The following ZNF326 variants were observed in gnomAD, a reference collection of about 807,000 sequenced individuals.
The protein encoded by ZNF326 is DBIRD complex subunit ZNF326.
In ZNF326, 30 loss-of-function variants were observed where a neutral mutation model predicts 63.1. That is an observed-to-expected ratio of 0.48 (90% confidence interval 0.36 to 0.64). The LOEUF is 0.64. Ranked by LOEUF, ZNF326 falls within the 30% of genes least tolerant of loss-of-function variation. The pLI is 0.00. For missense variants in ZNF326, 609 were observed against 720.3 expected, an observed-to-expected ratio of 0.85 and a Z score of 1.77; for synonymous variants, 194 against 228.2, an observed-to-expected ratio of 0.85 and a Z score of 1.35.
chr1:90,032,159 CCTT>C lies in ZNF326; in HGVS notation c.*4465_*4467del, dbSNP rs1276554329. 1.3e-5 allele frequency: 2 copies of C among 152,192 alleles called. No homozygotes were observed. The highest frequency in any genetic ancestry group is 6.5e-5 in the Admixed American group (1 of 15,280). 9.4% of individuals were successfully genotyped at this position (152,192 alleles called of 1,614,324 possible). A position where few individuals can be genotyped will look rare whatever the true frequency, so the allele number is the denominator to read the frequency against. On this transcript the variant is annotated 3_prime_UTR_variant, in exon 12 of 12. Transcript: ENST00000340281. Reference sequence around the variant, plus strand: ...CTAGTCTAATCTCTTCTTGACTTTCCCTTCTTCTTTCCCAGTCCTCTAATTCCC... The same window carrying C: ...CTAGTCTAATCTCTTCTTGACTTTCCCTTCTTTCCCAGTCCTCTAATTCCC...
chr1:90,001,639 C>T (rs760421999), intron 2 of ZNF326, among the ~76,000 whole-genome samples: 4 of 151,618 alleles, frequency 2.6e-5, no homozygotes, highest in African/African-American at 4.8e-5. Flanking sequence ...CTGCAACTTC[C>T]GCCTCCTGGG....
At chr1:89,997,032 AAC>A (rs1648411379) in intron 1 of ZNF326, among the ~76,000 whole-genome samples, 1 of 152,236 alleles carries the variant, frequency 6.6e-6, no homozygotes, top group Non-Finnish European at 1.5e-5. Flanking sequence ...CAGAATTCTA[AAC>A]AGTGTCAGTG....
chr1:90,006,018 T>C (rs1648967986), intron 4 of ZNF326: 1 of 985,458 alleles, frequency 1.0e-6, no homozygotes. Context: ...TCCTGCTGAA[T>C]ATAAGTAAAA....
intron 11 of ZNF326, among the ~76,000 whole-genome samples, chr1:90,027,065 A>ATGTGTGTGTG (rs59960066): frequency 6.7e-6 from 1 of 149,206 alleles, no homozygotes; most frequent in African/African-American, 2.5e-5. Flanking sequence ...ATGTGTATAT[A>ATGTGTGTGTG]TGTGTGTGTG....
chr1:90,034,552 A>C lies in ZNF326; in HGVS notation c.*6851A>C, dbSNP rs1201862016. The C allele has an allele frequency of 6.6e-6, 1 of 152,192 alleles. No individual in the cohort carries two copies. The highest frequency in any genetic ancestry group is 1.5e-5 in the Non-Finnish European group (1 of 67,992). The allele number at this position is 152,192 out of a possible 1,614,324, so 9.4% of individuals were successfully genotyped here. ...CCACAATATTTTTTTGTTTGTTGATAGGTAGGAATTCAGGGTCCATCCTGT... is the reference window on the plus strand; with the variant it reads ...CCACAATATTTTTTTGTTTGTTGATCGGTAGGAATTCAGGGTCCATCCTGT... On this transcript the variant is annotated 3_prime_UTR_variant, in exon 12 of 12. Transcript: ENST00000340281.
At chr1:90,022,412 G>C (rs1018373236) in intron 11 of ZNF326, 67 bp downstream of exon 11, 2 of 1,136,370 alleles carry the variant, frequency 1.8e-6, no homozygotes, top group Non-Finnish European at 2.6e-6. Flanking sequence ...TGGTGACATA[G>C]TAACCTTTTG....
At chr1:90,009,691 A>G (rs914585461) in intron 5 of ZNF326, among the ~76,000 whole-genome samples, 1 of 152,160 alleles carries the variant, frequency 6.6e-6, no homozygotes, top group Non-Finnish European at 1.5e-5. Flanking sequence ...TAGTTTTAGT[A>G]AAATAAAGAT....
intron 11 of ZNF326, among the ~76,000 whole-genome samples, chr1:90,022,781 CAGACTAG>C (rs1380734342): frequency 6.6e-6 from 1 of 152,202 alleles, no homozygotes; most frequent in Non-Finnish European, 1.5e-5. Context: ...TGGCATAGAA[CAGACTAG>C]GATGTACCTT....
At chr1:89,999,937 A>T (rs1190403374) in intron 2 of ZNF326, among the ~76,000 whole-genome samples, 1 of 152,238 alleles carries the variant, frequency 6.6e-6, no homozygotes, top group Non-Finnish European at 1.5e-5. Flanking sequence ...AATAGTAAAC[A>T]AGATAAGAAA....
rs143700412 is a variant in ZNF326 at position 90,013,162 on chromosome 1, G to A, written c.851G>A (p.Arg284Gln). 2 of 1,612,690 alleles carry A rather than the reference G, an allele frequency of 1.2e-6. No homozygotes were observed. Among genetic ancestry groups the A allele is most frequent in the Admixed American group, 1.7e-5 (1 of 59,780 alleles). Residue 284 changes from arginine to glutamine, a missense_variant, in exon 7 of 12, where the codon CGG becomes CAG. This residue lies in a region of ZNF326 where 399 missense variants were observed against 444.3 expected (regional missense o/e 0.90). Coordinates refer to ENST00000340281, the MANE Select transcript of ZNF326 (RefSeq NM_182976.4). ...TDPKNEEEEKRRIEARREKQR... is the reference protein window; with the variant it reads ...TDPKNEEEEKQRIEARREKQR... ...CCTAAAAATGAAGAGGAAGAAAAGC[G>A]GCGAATTGAGGCTCGGCGAGAGAAA...
At chr1:90,017,485 T>G in intron 8 of ZNF326, 21 bp downstream of exon 8, 1 of 1,558,130 alleles carries the variant, frequency 6.4e-7, no homozygotes, top group Non-Finnish European at 8.6e-7. Context: ...GTTTTTGAAG[T>G]GAGAAGCATT....
Position 90,029,575 on chromosome 1 carries a change from G to C in ZNF326, c.*1874G>C, listed in dbSNP as rs1650172764. 1 of 151,964 alleles carries C rather than the reference G, an allele frequency of 6.6e-6. No homozygotes were observed. Among genetic ancestry groups the C allele is most frequent in the Non-Finnish European group, 1.5e-5 (1 of 67,984 alleles). The allele number at this position is 151,964 out of a possible 1,614,324, so 9.4% of individuals were successfully genotyped here. On this transcript the variant is annotated 3_prime_UTR_variant, in exon 12 of 12. Transcript: ENST00000340281. The stretch of plus-strand genomic sequence containing the variant: ...GGTAAAAGAATAATAAATTCCTCTA[G>C]GTTATTAGTATTTGGTTCTTCTGAT...
chr1:90,034,416 G>C lies in ZNF326; in HGVS notation c.*6715G>C, dbSNP rs1650406596. On this transcript the variant is annotated 3_prime_UTR_variant, in exon 12 of 12. Transcript: ENST00000340281. The stretch of plus-strand genomic sequence containing the variant: ...TGAACACAGCGCTTAGAAATTGTCA[G>C]ATAAAGAGTTCAAAATAGAGGAAAC... 1 of 152,132 alleles carries C rather than the reference G, an allele frequency of 6.6e-6. No individual in the cohort carries two copies. The highest frequency in any genetic ancestry group is 1.5e-5 in the Non-Finnish European group (1 of 67,992). The allele number at this position is 152,132 out of a possible 1,614,324, so 9.4% of individuals were successfully genotyped here. A position where few individuals can be genotyped will look rare whatever the true frequency, so the allele number is the denominator to read the frequency against.
rs774263467 is a variant in ZNF326 at position 90,033,412 on chromosome 1, C to T, written c.*5711C>T. The T allele has an allele frequency of 2.6e-5, 4 of 151,994 alleles. No individual in the cohort carries two copies. The highest frequency in any genetic ancestry group is 4.4e-5 in the Non-Finnish European group (3 of 67,984). The allele number at this position is 151,994 out of a possible 1,614,324, so 9.4% of individuals were successfully genotyped here. ...AAACAATTCAGGGGGAAAAAATGACCAAGTATAATTAGTATTATATGGAAT... is the reference window on the plus strand; with the variant it reads ...AAACAATTCAGGGGGAAAAAATGACTAAGTATAATTAGTATTATATGGAAT... On this transcript the variant is annotated 3_prime_UTR_variant, in exon 12 of 12. Coordinates refer to ENST00000340281, the MANE Select transcript of ZNF326 (RefSeq NM_182976.4).
Position 90,028,210 on chromosome 1 carries a change from A to G in ZNF326, c.*509A>G, listed in dbSNP as rs1330386966. 1 of 153,556 alleles carries G rather than the reference A, an allele frequency of 6.5e-6. No individual in the cohort carries two copies. Among genetic ancestry groups the G allele is most frequent in the East Asian group, 1.9e-4 (1 of 5,214 alleles). The allele number at this position is 153,556 out of a possible 1,614,324, so 9.5% of individuals were successfully genotyped here. A position where few individuals can be genotyped will look rare whatever the true frequency, so the allele number is the denominator to read the frequency against. On this transcript the variant is annotated 3_prime_UTR_variant, in exon 12 of 12. Coordinates refer to ENST00000340281, the MANE Select transcript of ZNF326 (RefSeq NM_182976.4). ...ACCATGTTTCCCTTTGTAGCAATAA[A>G]ATGTTTTTTACGAAAACTTTCTCCC...
intron 11 of ZNF326, among the ~76,000 whole-genome samples, chr1:90,027,151 A>T (rs994964665): frequency 2.0e-5 from 3 of 152,148 alleles, no homozygotes; most frequent in African/African-American, 7.2e-5. Flanking sequence ...GTTATGGAGG[A>T]TAAAGTAATG....
rs1461631140 is a variant in ZNF326 at position 90,027,352 on chromosome 1, AG to A, written c.1403del. The A allele has an allele frequency of 6.2e-7, 1 of 1,612,686 alleles. No homozygotes were observed. Among genetic ancestry groups the A allele is most frequent in the African/African-American group, 1.3e-5 (1 of 74,932 alleles). ...TTTGAAAGCCATTTCTTATGTTTTTAGGGTGAGAATCCTTTTGAAATTCAAG... is the reference window on the plus strand; with the variant it reads ...TTTGAAAGCCATTTCTTATGTTTTTAGGTGAGAATCCTTTTGAAATTCAAG... On this transcript the variant is annotated splice_acceptor_variant, in intron 11 of 11. Transcript: ENST00000340281. LOFTEE classifies it high-confidence loss of function.
In ZNF326 at chr1:90,027,792, AC is replaced by A; in HGVS notation, c.*94del. 8.2e-7 allele frequency: 1 copy of A among 1,213,394 alleles called. No homozygotes were observed. The highest frequency in any genetic ancestry group is 1.2e-6 in the Non-Finnish European group (1 of 847,760). The allele number at this position is 1,213,394 out of a possible 1,614,324, so 75.2% of individuals were successfully genotyped here. A position where few individuals can be genotyped will look rare whatever the true frequency, so the allele number is the denominator to read the frequency against. On this transcript the variant is annotated 3_prime_UTR_variant, in exon 12 of 12. Transcript: ENST00000340281. ...TTAATAGCTTAAAATATGAATTAAC[AC>A]CCATGTTGCATGCATTCCACATATT...
At chr1:90,001,875 T>G (rs890236610) in intron 2 of ZNF326, among the ~76,000 whole-genome samples, 1 of 152,088 alleles carries the variant, frequency 6.6e-6, no homozygotes, top group African/African-American at 2.4e-5. Context: ...CAGTTTTTTT[T>G]CCCCCAGTAT....
Sources: gnomAD v4.1 joint callset for allele counts (sites outside exome capture counted in the v4.1 genomes callset) on GRCh38, gnomAD v4.1.1 for gene constraint, gnomAD v4.1.1 regional missense constraint, MANE v1.5 for transcripts, NCBI Gene and HGNC (gene_info 2026-07-23, HGNC 2026-07-21) for gene names.